Variants in CUX2 observed in about 807,000 individuals in gnomAD.
CUX2 encodes cut like homeobox 2.
A neutral mutation model predicts 144.8 loss-of-function variants in CUX2; 40 were observed. That is an observed-to-expected ratio of 0.28 (90% confidence interval 0.21 to 0.36). The LOEUF is 0.36. CUX2 is among the 10% of genes least tolerant of loss of function. CUX2 has a pLI of 1.00. For missense variants in CUX2, 1,615 were observed against 1,994.0 expected, an observed-to-expected ratio of 0.81 and a Z score of 3.62; for synonymous variants, 827 against 875.6, an observed-to-expected ratio of 0.94 and a Z score of 0.98.
At chr12:111,140,532 C>T (rs908627364) in intron 1 of CUX2, among the ~76,000 whole-genome samples, 2 of 152,220 alleles carry the variant, frequency 1.3e-5, no homozygotes, top group Admixed American at 1.3e-4. Flanking sequence ...CTTCCAGCTT[C>T]GTGGCTGGGT....
chr12:111,301,636 C>G (rs1886300566), intron 9 of CUX2, among the ~76,000 whole-genome samples: 1 of 152,234 alleles, frequency 6.6e-6, no homozygotes, highest in African/African-American at 2.4e-5. Flanking sequence ...TCCCAAGTAG[C>G]AAGGACTACA....
At chr12:111,331,606 G>T (rs902581248) in intron 18 of CUX2, among the ~76,000 whole-genome samples, 4 of 151,856 alleles carry the variant, frequency 2.6e-5, no homozygotes, top group Admixed American at 1.3e-4. Flanking sequence ...CTTGCCCCAC[G>T]TTATCTCATG....
At chr12:111,244,623 A>G (rs1157606799) in intron 3 of CUX2, among the ~76,000 whole-genome samples, 1 of 152,214 alleles carries the variant, frequency 6.6e-6, no homozygotes, top group Non-Finnish European at 1.5e-5. Context: ...GTTCAGGTTC[A>G]ATGTTTTTAG....
intron 1 of CUX2, among the ~76,000 whole-genome samples, chr12:111,191,427 G>A (rs772628209): frequency 2.0e-5 from 3 of 152,024 alleles, no homozygotes; most frequent in Admixed American, 6.6e-5. Context: ...CATCTCCTGC[G>A]TTCAAGCAAT....
At chr12:111,123,784 C>T (rs2136100029) in intron 1 of CUX2, among the ~76,000 whole-genome samples, 1 of 150,584 alleles carries the variant, frequency 6.6e-6, no homozygotes, top group African/African-American at 2.4e-5. Context: ...AATCCCCCTG[C>T]CTCGGCCTCC....
intron 9 of CUX2, among the ~76,000 whole-genome samples, chr12:111,303,983 GTCCTC>G (rs1188382267): frequency 6.6e-6 from 1 of 152,130 alleles, no homozygotes; most frequent in African/African-American, 2.4e-5. Flanking sequence ...ATTTCTTCCT[GTCCTC>G]TCAGCTCAGG....
intron 3 of CUX2, among the ~76,000 whole-genome samples, chr12:111,225,979 T>C (rs1332598720): frequency 6.6e-6 from 1 of 152,134 alleles, no homozygotes; most frequent in Non-Finnish European, 1.5e-5. Context: ...TGACCCACCC[T>C]TTTTCCGCTG....
At chr12:111,241,206 G>A (rs1341374215) in intron 3 of CUX2, among the ~76,000 whole-genome samples, 1 of 152,076 alleles carries the variant, frequency 6.6e-6, no homozygotes, top group Non-Finnish European at 1.5e-5. Flanking sequence ...AACCAAGGAA[G>A]CAAGACTCTT....
At chr12:111,167,165 G>T (rs1179441164) in intron 1 of CUX2, among the ~76,000 whole-genome samples, 3 of 152,114 alleles carry the variant, frequency 2.0e-5, no homozygotes, top group Non-Finnish European at 4.4e-5. Context: ...CTCTCTTTCT[G>T]CCAGGACTTG....
At chr12:111,317,794 G>A (rs959868345) in intron 16 of CUX2, among the ~76,000 whole-genome samples, 3 of 152,100 alleles carry the variant, frequency 2.0e-5, no homozygotes, top group Non-Finnish European at 4.4e-5. Context: ...TCAGGAGTTT[G>A]AGACCAGCCT....
chr12:111,122,814 T>C (rs1220254796), intron 1 of CUX2, among the ~76,000 whole-genome samples: 1 of 152,212 alleles, frequency 6.6e-6, no homozygotes, highest in Non-Finnish European at 1.5e-5. Flanking sequence ...AGTCAGTGCA[T>C]GCAGTGAACT....
rs560869615 is a variant in CUX2 at position 111,255,083 on chromosome 12, C to T, written c.223-8678C>T. ...AACTCCTGACCACAGATGATCCCTC[C>T]GCCTCGGCCTCCCAAAGTGCTGGGA... On this transcript the variant is annotated intron_variant, in intron 3 of 21. Coordinates refer to ENST00000261726, the MANE Select transcript of CUX2 (RefSeq NM_015267.4). The surrounding 1 kb of genome is among the most constrained non-coding windows in gnomAD (Gnocchi z 4.1). Among the ~76,000 whole-genome samples the T allele has an allele frequency of 6.6e-5, 10 of 152,252 alleles. No individual in the cohort carries two copies. Among genetic ancestry groups the T allele is most frequent in the South Asian group, 2.1e-4 (1 of 4,822 alleles).
chr12:111,283,143 A>G (rs920362687), intron 4 of CUX2, among the ~76,000 whole-genome samples: 3 of 151,920 alleles, frequency 2.0e-5, no homozygotes, highest in African/African-American at 7.3e-5. Flanking sequence ...ACTTGAACCC[A>G]GGAGGCAGAG....
chr12:111,116,322 G>C (rs1874306362), intron 1 of CUX2, among the ~76,000 whole-genome samples: 1 of 152,180 alleles, frequency 6.6e-6, no homozygotes, highest in Non-Finnish European at 1.5e-5. Context: ...GAAATGCCAA[G>C]GCCTGCAGAA....
At chr12:111,069,543 T>C (rs973138407) in intron 1 of CUX2, among the ~76,000 whole-genome samples, 14 of 151,566 alleles carry the variant, frequency 9.2e-5, no homozygotes, top group African/African-American at 2.9e-4. Context: ...TGTGTGTGTG[T>C]GTGTGTGTGC....
rs138935908 is a variant in CUX2 at position 111,231,986 on chromosome 12, G to A, written c.222+14049G>A. Among the ~76,000 whole-genome samples, 751 of 152,170 alleles carry A rather than the reference G, an allele frequency of 4.9e-3. 5 individuals carry two copies. Among genetic ancestry groups the A allele is most frequent in the African/African-American group, 0.017 (722 of 41,524 alleles). Reference sequence around the variant, plus strand: ...CTGGGTGTGGTGGTGCGCCCCTGTAGTCTCAACTACTCGAGAGGCTGAGGC... The same window carrying A: ...CTGGGTGTGGTGGTGCGCCCCTGTAATCTCAACTACTCGAGAGGCTGAGGC... On this transcript the variant is annotated intron_variant, in intron 3 of 21. Transcript: ENST00000261726.
intron 5 of CUX2, among the ~76,000 whole-genome samples, chr12:111,292,551 C>T (rs1885746857): frequency 6.6e-6 from 1 of 152,150 alleles, no homozygotes; most frequent in African/African-American, 2.4e-5. Context: ...GATCATGCCC[C>T]TGCACTCCAG....
At chr12:111,331,767 C>T (rs916807625) in intron 18 of CUX2, among the ~76,000 whole-genome samples, 2 of 152,014 alleles carry the variant, frequency 1.3e-5, no homozygotes, top group Admixed American at 6.6e-5. Flanking sequence ...TATATAGTCA[C>T]ACAAAATGTC....
intron 1 of CUX2, among the ~76,000 whole-genome samples, chr12:111,157,003 A>AAAAAC (rs1877428819): frequency 6.6e-6 from 1 of 150,846 alleles, no homozygotes; most frequent in South Asian, 2.1e-4. Context: ...AAAAAAAAAA[A>AAAAAC]AAAAAACAGA....
Sources: allele counts gnomAD v4.1 joint callset (sites outside exome capture counted in the v4.1 genomes callset), GRCh38; gene constraint gnomAD v4.1.1; non-coding constraint Gnocchi (gnomAD v3.1); transcripts MANE v1.5; gene names NCBI Gene and HGNC (gene_info 2026-07-23, HGNC 2026-07-21).